Variants in SDE2 observed in about 807,000 individuals in gnomAD.
SDE2 encodes the protein splicing regulator SDE2.
A neutral mutation model predicts 46.9 loss-of-function variants in SDE2; 31 were observed. The ratio of observed to expected loss-of-function variants is 0.66; its 90% CI spans 0.50 to 0.89. The LOEUF is 0.89. Ranked by LOEUF, SDE2 falls within the 40% of genes least tolerant of loss-of-function variation. SDE2 has a pLI of 0.00. For missense variants in SDE2, 542 were observed against 564.4 expected, an observed-to-expected ratio of 0.96 and a Z score of 0.40; for synonymous variants, 205 against 204.3, an observed-to-expected ratio of 1.00 and a Z score of -0.03.
In SDE2 at chr1:225,988,888, A is replaced by G. The variant is rs538869799; in HGVS notation, c.642-500T>C. Among the ~76,000 whole-genome samples the G allele has an allele frequency of 3.9e-5, 6 of 152,370 alleles. No individual in the cohort carries two copies. The East Asian group carries it at 5.8e-4, about 15-fold the overall frequency. ...CAATGAGACTGGGACCAACTGTCCC[A>G]AAGATCCAAGAGGATCTCCTTTCTA... is the stretch of plus-strand genomic sequence containing the variant. On this transcript the variant is annotated intron_variant, in intron 5 of 6. Coordinates refer to ENST00000272091, the MANE Select transcript of SDE2 (RefSeq NM_152608.4).
intron 1 of SDE2, among the ~76,000 whole-genome samples, chr1:225,997,184 T>C (rs962432076): frequency 2.6e-5 from 4 of 152,130 alleles, no homozygotes; most frequent in African/African-American, 9.7e-5. Context: ...ACAAAAACTT[T>C]GCAGCTGGCT....
chr1:225,991,146 A>G (rs1251088352), intron 5 of SDE2, 97 bp downstream of exon 5: 7 of 1,273,156 alleles, frequency 5.5e-6, no homozygotes, highest in African/African-American at 1.5e-5. Context: ...GCTCCCACCA[A>G]ACACTACACA....
chr1:225,998,239 T>C (rs900818782), intron 1 of SDE2, among the ~76,000 whole-genome samples: 1 of 152,238 alleles, frequency 6.6e-6, no homozygotes, highest in African/African-American at 2.4e-5. Flanking sequence ...TTACAGTTTT[T>C]AGACTGGATT....
At chr1:225,990,803 T>C (rs2102703513) in intron 5 of SDE2, among the ~76,000 whole-genome samples, 1 of 152,064 alleles carries the variant, frequency 6.6e-6, no homozygotes, top group Middle Eastern at 3.4e-3. Context: ...ATCAGAAAAA[T>C]GGACAAGAAA....
rs913187965 is a variant in SDE2 at position 225,992,387 on chromosome 1, C to G, written c.520+11G>C. ...TGCCAGCTGAACACACTAAGGAATC[C>G]TCATTCTCACCTTTGAGGACGGAAT... On this transcript the variant is annotated intron_variant, in intron 4 of 6. Coordinates refer to ENST00000272091, the MANE Select transcript of SDE2 (RefSeq NM_152608.4). 6.2e-7 allele frequency: 1 copy of G among 1,610,592 alleles called. No individual in the cohort carries two copies. Among genetic ancestry groups the G allele is most frequent in the South Asian group, 1.1e-5 (1 of 91,022 alleles).
intron 6 of SDE2, among the ~76,000 whole-genome samples, chr1:225,986,690 CT>C (rs1266668784): frequency 5.9e-5 from 9 of 152,134 alleles, no homozygotes; most frequent in Admixed American, 2.0e-4. Context: ...CCTATGATTC[CT>C]TTTTTATTTT....
intron 1 of SDE2, 58 bp downstream of exon 1, chr1:225,999,135 C>T (rs1403797882): frequency 1.4e-6 from 2 of 1,468,572 alleles, no homozygotes; most frequent in East Asian, 2.3e-5. Flanking sequence ...CTACTCCGCA[C>T]CCAGCGCTGC....
At chr1:225,990,254 G>A (rs958388356) in intron 5 of SDE2, among the ~76,000 whole-genome samples, 1 of 152,098 alleles carries the variant, frequency 6.6e-6, no homozygotes, top group Non-Finnish European at 1.5e-5. Context: ...ACACTACCAT[G>A]GATGAATCTC....
intron 5 of SDE2, among the ~76,000 whole-genome samples, chr1:225,989,273 G>C (rs1322886836): frequency 2.1e-5 from 3 of 144,212 alleles, no homozygotes; most frequent in Non-Finnish European, 4.5e-5. Flanking sequence ...TCCAGCCTGG[G>C]GGACAGAGCA....
intron 5 of SDE2, 51 bp downstream of exon 5, chr1:225,991,192 G>A (rs747757371): frequency 6.3e-7 from 1 of 1,577,340 alleles, no homozygotes; most frequent in East Asian, 2.3e-5. Context: ...AGGAGGAAAT[G>A]TCTCAAGTCA....
Position 225,988,203 on chromosome 1 carries a change from T to C in SDE2, c.827A>G (p.His276Arg), listed in dbSNP as rs41268719. ...GATCTGCAGTTGTTCTGGTGATCCA[T>C]GGTCTGTATTCACTACTCTCGCCCT... The part of the protein sequence containing the change: ...SQRARVVNTD[H>R]GSPEQLQIPV... The change falls in exon 6 of 7, where the codon CAT (histidine) becomes CGT (arginine). Residue 276 changes from histidine (H) to arginine (R), a missense_variant. By Grantham distance (29) the His-to-Arg change is conservative. Transcript: ENST00000272091. 8.7e-3 allele frequency: 13,998 copies of C among 1,614,158 alleles called. 105 individuals carry two copies. Among genetic ancestry groups the C allele is most frequent in the Middle Eastern group, 0.032 (192 of 6,062 alleles).
rs547399723 is a variant in SDE2 at position 225,984,488 on chromosome 1, A to G, written c.*814T>C. 6.6e-6 allele frequency: 1 copy of G among 152,284 alleles called. No individual in the cohort carries two copies. Among genetic ancestry groups the G allele is most frequent in the Non-Finnish European group, 1.5e-5 (1 of 68,020 alleles). 9.4% of individuals were successfully genotyped at this position (152,284 alleles called of 1,614,324 possible). ...AAATTAATTATATAAACAATTGAGA[A>G]AAATAAAACCAAAGGTTGGTTCTTT... is the stretch of plus-strand genomic sequence containing the variant. On this transcript the variant is annotated 3_prime_UTR_variant, in exon 7 of 7. Coordinates refer to ENST00000272091, the MANE Select transcript of SDE2 (RefSeq NM_152608.4).
At chr1:225,995,859 A>G (rs1348383804) in intron 1 of SDE2, among the ~76,000 whole-genome samples, 1 of 152,218 alleles carries the variant, frequency 6.6e-6, no homozygotes, top group Non-Finnish European at 1.5e-5. Context: ...AGTACACCAT[A>G]GGAGACATAA....
At chr1:225,987,562 C>A (rs1656294634) in intron 6 of SDE2, among the ~76,000 whole-genome samples, 2 of 152,084 alleles carry the variant, frequency 1.3e-5, no homozygotes, top group South Asian at 2.1e-4. Context: ...TCATAATATA[C>A]CCTCATTCAT....
chr1:225,985,425 A>G lies in SDE2; in HGVS notation c.1233T>C (p.Leu411=), dbSNP rs1558082721. ...LEKLKCELMA[L]GLKCGGTLQE... The stretch of plus-strand genomic sequence containing the variant: ...GCAGAGTGCCCCCACATTTCAGTCC[A>G]AGGGCCATCAGTTCACATTTGAGCT... The change falls in exon 7 of 7, where the codon CTT becomes CTC. Residue 411 remains leucine, a synonymous_variant. Coordinates refer to ENST00000272091, the MANE Select transcript of SDE2 (RefSeq NM_152608.4). 2 of 1,614,150 alleles carry G rather than the reference A, an allele frequency of 1.2e-6. No individual in the cohort carries two copies. The highest frequency in any genetic ancestry group is 1.3e-5 in the African/African-American group (1 of 75,058).
chr1:225,988,687 C>A (rs1465548463), intron 5 of SDE2, among the ~76,000 whole-genome samples: 1 of 152,106 alleles, frequency 6.6e-6, no homozygotes, highest in Non-Finnish European at 1.5e-5. Context: ...CGAGATCGCG[C>A]CATTGTACTC....
rs766618225 is a variant in SDE2 at position 225,985,341 on chromosome 1, C to T, written c.1317G>A (p.Pro439=). ...VRGLAKEQID[P]ALFAKPLKGK... ...CTTTCAAAGGCTTGGCAAATAAAGCCGGGTCAATTTGCTCCTTTGCCAGTC... is the reference window on the plus strand; with the variant it reads ...CTTTCAAAGGCTTGGCAAATAAAGCTGGGTCAATTTGCTCCTTTGCCAGTC... Residue 439 remains proline (P), a synonymous_variant, in exon 7 of 7, where the codon CCG becomes CCA. Coordinates refer to ENST00000272091, the MANE Select transcript of SDE2 (RefSeq NM_152608.4). The T allele has an allele frequency of 5.6e-6, 9 of 1,614,056 alleles. No individual in the cohort carries two copies. The highest frequency in any genetic ancestry group is 1.3e-5 in the African/African-American group (1 of 74,922).
chr1:225,987,058 T>C (rs189344778), intron 6 of SDE2, among the ~76,000 whole-genome samples: 1 of 152,328 alleles, frequency 6.6e-6, no homozygotes, highest in Admixed American at 6.5e-5. Flanking sequence ...ATTATTATTT[T>C]TTGAGATGGA....
At chr1:225,989,404 G>A (rs1361670925) in intron 5 of SDE2, among the ~76,000 whole-genome samples, 1 of 151,796 alleles carries the variant, frequency 6.6e-6, no homozygotes, top group Non-Finnish European at 1.5e-5. Context: ...TGAGGTGGGT[G>A]GATCACTTGA....
Sources: allele counts gnomAD v4.1 joint callset (sites outside exome capture counted in the v4.1 genomes callset), GRCh38; gene constraint gnomAD v4.1.1; transcripts MANE v1.5; gene names NCBI Gene and HGNC (gene_info 2026-07-23, HGNC 2026-07-21).